The following WWC1 variants were observed in gnomAD, a reference collection of about 807,000 sequenced individuals.
WWC1 encodes the protein WW and C2 domain containing 1.
Under a neutral mutation model 138.4 loss-of-function variants are expected in WWC1, and 55 were observed. That is an observed-to-expected ratio of 0.40 (90% CI 0.32 to 0.50). The LOEUF is 0.50. WWC1 is among the 20% of genes least tolerant of loss of function. The pLI, the probability that WWC1 is intolerant of heterozygous loss-of-function variation, is 0.72. For synonymous variants in WWC1, 524 were observed against 564.9 expected, an observed-to-expected ratio of 0.93 and a Z score of 1.03; for missense variants, 1,226 against 1,420.4, an observed-to-expected ratio of 0.86 and a Z score of 2.20.
At chr5:168,441,982 G>C in intron 16 of WWC1, 148 bp downstream of exon 16, 1 of 1,214,698 alleles carries the variant, frequency 8.2e-7, no homozygotes, top group Non-Finnish European at 1.1e-6. Flanking sequence ...GGGAAGGAGA[G>C]ATCTCCACTA....
At chr5:168,400,926 ACGAG>A (rs1218880226) in intron 5 of WWC1, among the ~76,000 whole-genome samples, 1 of 151,712 alleles carries the variant, frequency 6.6e-6, no homozygotes, top group Non-Finnish European at 1.5e-5. Context: ...AGGAAAAAGA[ACGAG>A]AGAGAAAGAG....
intron 1 of WWC1, among the ~76,000 whole-genome samples, chr5:168,368,184 G>A (rs566130814): frequency 2.0e-5 from 3 of 147,030 alleles, no homozygotes; most frequent in African/African-American, 5.0e-5. Context: ...TCCACCTCCC[G>A]GGTTCAAGTG....
At chr5:168,340,145 A>C (rs1773927120) in intron 1 of WWC1, among the ~76,000 whole-genome samples, 2 of 149,884 alleles carry the variant, frequency 1.3e-5, no homozygotes, top group African/African-American at 4.9e-5. Flanking sequence ...GTGGAATCTC[A>C]GCTCACTGCA....
chr5:168,296,497 G>C (rs1376100055), intron 1 of WWC1, among the ~76,000 whole-genome samples: 1 of 152,240 alleles, frequency 6.6e-6, no homozygotes, highest in Non-Finnish European at 1.5e-5. Flanking sequence ...CTAGAGAAAA[G>C]GTTTTTGCAC....
In WWC1 at chr5:168,414,385, A is replaced by G; in HGVS notation, c.979A>G (p.Ser327Gly). 6.2e-7 allele frequency: 1 copy of G among 1,610,116 alleles called. No individual in the cohort carries two copies. Among genetic ancestry groups the G allele is most frequent in the Non-Finnish European group, 8.5e-7 (1 of 1,178,304 alleles). ...NLKIQLAKLD[S>G]EAWPGVLDSE... is the part of the protein sequence containing the mutation. ...GAAGATCCAGCTGGCCAAGCTTGAC[A>G]GTGAGGCCTGGCCTGGGGTGCTGGA... Residue 327 changes from serine to glycine, a missense_variant, in exon 9 of 23, where the codon AGT (serine) becomes GGT (glycine). This residue lies in a region of WWC1 where 1,016 missense variants were observed against 1,153.9 expected (regional missense o/e 0.88). Transcript: ENST00000265293.
At chr5:168,340,468 C>G (rs1363113520) in intron 1 of WWC1, among the ~76,000 whole-genome samples, 1 of 152,154 alleles carries the variant, frequency 6.6e-6, no homozygotes, top group Admixed American at 6.5e-5. Context: ...AACTCTGCAC[C>G]ACTTAGCAGT....
chr5:168,441,562 G>T (rs1390683222), intron 15 of WWC1, 120 bp from the exon 16 acceptor site: 7 of 956,390 alleles, frequency 7.3e-6, no homozygotes, highest in Non-Finnish European at 1.1e-5. Context: ...CTTCCTGCCG[G>T]GATGCCTACC....
At chr5:168,398,969 T>C (rs1378758347) in intron 4 of WWC1, among the ~76,000 whole-genome samples, 2 of 152,238 alleles carry the variant, frequency 1.3e-5, no homozygotes, top group African/African-American at 4.8e-5. Flanking sequence ...AATAATACAG[T>C]GTAGGCCACA....
Position 168,441,795 on chromosome 5 carries a change from A to G in WWC1, c.2394A>G (p.Pro798=). Reference sequence around the variant, plus strand: ...AGAAACAGAGCAGGGAGCTCAAGCCAGTGGGAGTCATGGCCCCTGCCTCAG... The same window carrying G: ...AGAAACAGAGCAGGGAGCTCAAGCCGGTGGGAGTCATGGCCCCTGCCTCAG... The part of the protein sequence containing the change: ...YLKKQSRELK[P]VGVMAPASGP... Residue 798 remains proline, a synonymous_variant, in exon 16 of 23, where the codon CCA becomes CCG. Coordinates refer to ENST00000265293, the MANE Select transcript of WWC1 (RefSeq NM_015238.3). The G allele has an allele frequency of 4.3e-6, 7 of 1,614,146 alleles. No individual in the cohort carries two copies. The highest frequency in any genetic ancestry group is 2.2e-5 in the East Asian group (1 of 44,876).
intron 1 of WWC1, among the ~76,000 whole-genome samples, chr5:168,341,101 G>T (rs117181427): frequency 6.6e-6 from 1 of 152,200 alleles, no homozygotes; most frequent in Non-Finnish European, 1.5e-5. Context: ...CTTACAGGGA[G>T]ACCATGGCGC....
intron 1 of WWC1, among the ~76,000 whole-genome samples, chr5:168,304,609 A>C (rs1770384064): frequency 6.6e-6 from 1 of 152,040 alleles, no homozygotes; most frequent in South Asian, 2.1e-4. Context: ...AGACCAACTG[A>C]ATCAGAAACT....
intron 1 of WWC1, among the ~76,000 whole-genome samples, chr5:168,319,881 G>T (rs557853766): frequency 3.3e-5 from 5 of 152,068 alleles, no homozygotes; most frequent in African/African-American, 1.2e-4. Context: ...GTGCAGAAGG[G>T]TTCCAATTTC....
intron 17 of WWC1, among the ~76,000 whole-genome samples, chr5:168,451,449 A>G (rs2337221): frequency 0.11 from 16,640 of 152,224 alleles, 1,276 homozygotes; most frequent in Non-Finnish European, 0.16. Flanking sequence ...TTACACCAGT[A>G]ATGTTCACAC....
At chr5:168,414,871 A>T in intron 9 of WWC1, 1 of 367,626 alleles carries the variant, frequency 2.7e-6, no homozygotes, top group African/African-American at 3.6e-5. Context: ...ATTAAGCCAC[A>T]TAACTCTATA....
chr5:168,403,088 T>TTTCTTTCTTCCTTTTCTTTCTTTTC (rs374804391), intron 5 of WWC1, among the ~76,000 whole-genome samples: 5 of 124,246 alleles, frequency 4.0e-5, no homozygotes, highest in Non-Finnish European at 8.3e-5. Context: ...CTTTTCTTTC[T>TTTCTTTCTTCCTTTTCTTTCTTTTC]TTTCTTTCTT....
chr5:168,392,730 G>A (rs992837604), intron 3 of WWC1, among the ~76,000 whole-genome samples: 7 of 152,078 alleles, frequency 4.6e-5, no homozygotes, highest in African/African-American at 1.7e-4. Context: ...AACAAATAAC[G>A]TACTGTGCAA....
At chr5:168,420,065 T>A (rs1780967244) in intron 9 of WWC1, among the ~76,000 whole-genome samples, 1 of 152,238 alleles carries the variant, frequency 6.6e-6, no homozygotes, top group Admixed American at 6.5e-5. Flanking sequence ...TGCCAGTCCA[T>A]CCAACCTCAG....
chr5:168,418,759 C>T (rs933118902), intron 9 of WWC1, among the ~76,000 whole-genome samples: 1 of 152,088 alleles, frequency 6.6e-6, no homozygotes, highest in South Asian at 2.1e-4. Context: ...AAATGGTGAG[C>T]GCCAGCTGCT....
At chr5:168,314,360 G>T (rs1771385340) in intron 1 of WWC1, among the ~76,000 whole-genome samples, 1 of 152,032 alleles carries the variant, frequency 6.6e-6, no homozygotes, top group Admixed American at 6.5e-5. Flanking sequence ...CTGAGGTTGG[G>T]AGTTCGAGAC....
Sources: gnomAD v4.1 joint callset for allele counts (sites outside exome capture counted in the v4.1 genomes callset) on GRCh38, gnomAD v4.1.1 for gene constraint, gnomAD v4.1.1 regional missense constraint, MANE v1.5 for transcripts, NCBI Gene and HGNC (gene_info 2026-07-23, HGNC 2026-07-21) for gene names.